The following THSD7B variants were observed in gnomAD, a reference collection of about 807,000 sequenced individuals.
THSD7B encodes thrombospondin type 1 domain containing 7B, also known as thrombospondin type-1 domain-containing protein 7B.
In THSD7B, 138 loss-of-function variants were observed where a neutral mutation model predicts 213.6. That is an observed-to-expected ratio of 0.65 (90% CI 0.56 to 0.74). The LOEUF is 0.74. Ranked by LOEUF, THSD7B falls within the 30% of genes least tolerant of loss-of-function variation. THSD7B has a pLI of 0.00. For missense variants in THSD7B, 1,931 were observed against 1,991.5 expected (o/e 0.97, Z 0.58); for synonymous variants, 742 against 687.0 (o/e 1.08, Z -1.25).
chr2:137,074,955 G>A (rs965152306), intron 3 of THSD7B, among the ~76,000 whole-genome samples: 1 of 152,182 alleles, frequency 6.6e-6, no homozygotes, highest in Non-Finnish European at 1.5e-5. Context: ...CGAGATATCA[G>A]CTGTTAGGCT....
intron 1 of THSD7B, among the ~76,000 whole-genome samples, chr2:136,771,981 A>G (rs1381152107): frequency 6.6e-6 from 1 of 152,100 alleles, no homozygotes; most frequent in African/African-American, 2.4e-5. Context: ...GGTACATTAG[A>G]ATTTGTTTGT....
chr2:137,479,562 C>A, intron 15 of THSD7B: 1 of 274,274 alleles, frequency 3.6e-6, no homozygotes, highest in Non-Finnish European at 7.6e-6. Context: ...GGACCATATG[C>A]TTTGGCCCCA....
chr2:137,639,855 T>A (rs1682904993), intron 20 of THSD7B, among the ~76,000 whole-genome samples: 1 of 152,232 alleles, frequency 6.6e-6, no homozygotes, highest in East Asian at 1.9e-4. Context: ...ATTTTTCCAA[T>A]ACCTGTGCCG....
chr2:137,042,199 A>G (rs1320749983), intron 2 of THSD7B, among the ~76,000 whole-genome samples: 1 of 152,190 alleles, frequency 6.6e-6, no homozygotes, highest in Non-Finnish European at 1.5e-5. Flanking sequence ...TTATGTGTTC[A>G]CATCCTGTAA....
At chr2:137,381,847 G>C (rs1037749037) in intron 12 of THSD7B, among the ~76,000 whole-genome samples, 1 of 152,210 alleles carries the variant, frequency 6.6e-6, no homozygotes, top group Admixed American at 6.5e-5. Flanking sequence ...CAAAGACTAC[G>C]TGCTGCAGCC....
At chr2:137,211,344 A>ACACACACACACACACACACACACAGAGG (rs796079908) in intron 7 of THSD7B, among the ~76,000 whole-genome samples, 2,208 of 119,404 alleles carry the variant, frequency 0.018, 76 homozygotes, top group African/African-American at 0.059. Flanking sequence ...ACACACACAC[A>ACACACACACACACACACACACACAGAGG]CACACACACA....
In THSD7B at chr2:137,666,748, G is replaced by C. The variant is rs560026041; in HGVS notation, c.4652-1026G>C. Among the ~76,000 whole-genome samples the C allele has an allele frequency of 2.0e-4, 31 of 152,068 alleles. No individual in the cohort carries two copies. The South Asian group carries it at 5.0e-3, about 24-fold the overall frequency. On this transcript the variant is annotated intron_variant, in intron 26 of 27. Transcript: ENST00000409968. ...TATAAAATAGAGCAAAAAGACATTA[G>C]AGTGACAGAAACAACTCAAGTTTCT...
rs374284578 is a variant in THSD7B at position 137,395,559 on chromosome 2, T to G, written c.2501-10054T>G. ...GCTTTTTGATGTGCTGCTGGATTTG[T>G]TTTGCCAGTATTTTATTGAGGATTT... On this transcript the variant is annotated intron_variant, in intron 12 of 27. Transcript: ENST00000409968. Among the ~76,000 whole-genome samples, 6 of 151,902 alleles carry G rather than the reference T, an allele frequency of 3.9e-5. No homozygotes were observed. The East Asian group carries it at 5.8e-4, about 15-fold the overall frequency.
At chr2:137,271,595 G>A (rs75593065) in intron 10 of THSD7B, among the ~76,000 whole-genome samples, 3,892 of 150,836 alleles carry the variant, frequency 0.026, 99 homozygotes, top group Middle Eastern at 0.097. Context: ...GGTTGCCACA[G>A]TCAAAAATGA....
intron 2 of THSD7B, among the ~76,000 whole-genome samples, chr2:136,981,643 A>G (rs1009143710): frequency 9.8e-5 from 15 of 152,320 alleles, no homozygotes; most frequent in Admixed American, 6.5e-4. Flanking sequence ...CTCACGTTCA[A>G]TTCAAGTTAG....
At chr2:137,257,917 G>T (rs1192661542) in intron 10 of THSD7B, among the ~76,000 whole-genome samples, 1 of 152,182 alleles carries the variant, frequency 6.6e-6, no homozygotes, top group African/African-American at 2.4e-5. Flanking sequence ...GACCTTGCAT[G>T]AGGAACAGAA....
chr2:137,019,372 A>T (rs1471756325), intron 2 of THSD7B, among the ~76,000 whole-genome samples: 6 of 152,346 alleles, frequency 3.9e-5, no homozygotes, highest in Admixed American at 2.0e-4. Flanking sequence ...GACCACATGG[A>T]GTGATCATCT....
chr2:137,209,082 A>AT (rs1031164150), intron 7 of THSD7B, among the ~76,000 whole-genome samples: 2 of 152,010 alleles, frequency 1.3e-5, no homozygotes, highest in African/African-American at 2.4e-5. Context: ...TATAAACTAA[A>AT]TTTTTTCTCA....
intron 21 of THSD7B, 70 bp from the exon 22 acceptor site, chr2:137,655,431 G>T (rs566889322): frequency 6.7e-7 from 1 of 1,489,414 alleles, no homozygotes; most frequent in East Asian, 2.4e-5. Flanking sequence ...TTAGGCAAGA[G>T]GTGGCAAGAG....
intron 12 of THSD7B, among the ~76,000 whole-genome samples, chr2:137,286,621 G>A (rs536942508): frequency 6.6e-6 from 1 of 152,188 alleles, no homozygotes; most frequent in East Asian, 1.9e-4. Context: ...AGAAAGCAAA[G>A]CACATATATA....
intron 2 of THSD7B, among the ~76,000 whole-genome samples, chr2:137,049,356 T>G (rs1040064317): frequency 1.3e-5 from 2 of 152,190 alleles, no homozygotes; most frequent in African/African-American, 2.4e-5. Flanking sequence ...ATAATTAAAT[T>G]GCAATTGTTG....
intron 2 of THSD7B, among the ~76,000 whole-genome samples, chr2:136,952,491 T>C (rs540976534): frequency 6.8e-6 from 1 of 148,114 alleles, no homozygotes; most frequent in Non-Finnish European, 1.5e-5. Flanking sequence ...CCTGGAAATA[T>C]CTGAGATGAT....
intron 15 of THSD7B, among the ~76,000 whole-genome samples, chr2:137,481,803 A>G (rs1688313237): frequency 6.6e-6 from 1 of 152,214 alleles, no homozygotes. Flanking sequence ...TAGCATTTTC[A>G]TATATCCAGG....
intron 12 of THSD7B, among the ~76,000 whole-genome samples, chr2:137,333,993 A>G (rs2104897795): frequency 6.6e-6 from 1 of 152,292 alleles, no homozygotes; most frequent in South Asian, 2.1e-4. Flanking sequence ...TGGTCTCAGA[A>G]ACCATATGGT....
Sources: gnomAD v4.1 joint callset for allele counts (sites outside exome capture counted in the v4.1 genomes callset) on GRCh38, gnomAD v4.1.1 for gene constraint, MANE v1.5 for transcripts, NCBI Gene and HGNC (gene_info 2026-07-23, HGNC 2026-07-21) for gene names.